Variants in SDCCAG8 observed in about 807,000 individuals in gnomAD.
SDCCAG8 encodes the protein serologically defined colon cancer antigen 8.
A neutral mutation model predicts 101.8 loss-of-function variants in SDCCAG8; 74 were observed. The ratio of observed to expected loss-of-function variants is 0.73; its 90% CI spans 0.60 to 0.88. The LOEUF (loss-of-function observed/expected upper bound fraction) is 0.88. Ranked by LOEUF, SDCCAG8 falls within the 40% of genes least tolerant of loss-of-function variation. The pLI, the probability that SDCCAG8 is intolerant of heterozygous loss-of-function variation, is 0.00. For synonymous variants in SDCCAG8, 281 were observed against 292.9 expected, an observed-to-expected ratio of 0.96 and a Z score of 0.41; for missense variants, 787 against 822.6, an observed-to-expected ratio of 0.96 and a Z score of 0.53.
chr1:243,365,098 G>T (rs1421351539), intron 12 of SDCCAG8, among the ~76,000 whole-genome samples: 1 of 152,118 alleles, frequency 6.6e-6, no homozygotes, highest in Non-Finnish European at 1.5e-5. Context: ...CATTTGAAGG[G>T]AAATGGGTAT....
intron 16 of SDCCAG8, among the ~76,000 whole-genome samples, chr1:243,487,561 T>A (rs1444283107): frequency 6.6e-6 from 1 of 152,162 alleles, no homozygotes; most frequent in Non-Finnish European, 1.5e-5. Flanking sequence ...GCCAGCCTGA[T>A]CCTGGAGGCA....
intron 12 of SDCCAG8, among the ~76,000 whole-genome samples, chr1:243,348,656 T>C (rs888071263): frequency 2.0e-5 from 3 of 151,930 alleles, no homozygotes; most frequent in Non-Finnish European, 4.4e-5. Flanking sequence ...TCAGTCTCCA[T>C]TGTTCCATCA....
At chr1:243,411,728 C>T (rs1010420385) in intron 13 of SDCCAG8, among the ~76,000 whole-genome samples, 8 of 152,112 alleles carry the variant, frequency 5.3e-5, no homozygotes, top group African/African-American at 1.9e-4. Context: ...ACGTGTACTG[C>T]TTTTGAGGTT....
At chr1:243,364,583 A>G (rs1374498790) in intron 12 of SDCCAG8, among the ~76,000 whole-genome samples, 1 of 152,188 alleles carries the variant, frequency 6.6e-6, no homozygotes, top group Non-Finnish European at 1.5e-5. Flanking sequence ...GCTGTATTCC[A>G]TGGTCTGAAC....
intron 13 of SDCCAG8, among the ~76,000 whole-genome samples, chr1:243,386,701 C>T (rs536231071): frequency 4.5e-4 from 68 of 151,632 alleles, no homozygotes; most frequent in Non-Finnish European, 5.6e-4. Flanking sequence ...TACAGTGAGC[C>T]GAGATTGCGC....
At chr1:243,326,120 A>G (rs979670613) in intron 9 of SDCCAG8, among the ~76,000 whole-genome samples, 1 of 152,204 alleles carries the variant, frequency 6.6e-6, no homozygotes, top group Non-Finnish European at 1.5e-5. Flanking sequence ...AGGAAAAAAA[A>G]AATTTTCTTT....
At chr1:243,492,604 G>GTTTTTTTTTTTT in intron 17 of SDCCAG8, among the ~76,000 whole-genome samples, 1 of 58,876 alleles carries the variant, frequency 1.7e-5, no homozygotes, top group Non-Finnish European at 3.0e-5. Flanking sequence ...GCGCCCAGCT[G>GTTTTTTTTTTTT]TTTTTTTTTT....
chr1:243,415,033 T>G (rs114027283), intron 13 of SDCCAG8, among the ~76,000 whole-genome samples: 234 of 152,272 alleles, frequency 1.5e-3, no homozygotes, highest in Non-Finnish European at 2.6e-3. Flanking sequence ...CCTATCACAG[T>G]ACGATGGGTT....
intron 12 of SDCCAG8, among the ~76,000 whole-genome samples, chr1:243,360,821 C>T (rs2076667084): frequency 2.0e-5 from 3 of 151,700 alleles, no homozygotes; most frequent in Admixed American, 1.3e-4. Context: ...GACTCCATCT[C>T]AAAACAAAAC....
chr1:243,480,453 G>C, intron 16 of SDCCAG8, among the ~76,000 whole-genome samples: 1 of 82,754 alleles, frequency 1.2e-5, no homozygotes, highest in Non-Finnish European at 2.4e-5. Context: ...ATGGATGAAT[G>C]GGGGATGGAT....
chr1:243,460,440 C>T (rs1211769485), intron 16 of SDCCAG8, among the ~76,000 whole-genome samples: 1 of 152,188 alleles, frequency 6.6e-6, no homozygotes, highest in Non-Finnish European at 1.5e-5. Context: ...TCACAGTCCA[C>T]CCAACTCACA....
At chr1:243,483,819 G>A (rs2994331) in intron 16 of SDCCAG8, among the ~76,000 whole-genome samples, 5,607 of 152,250 alleles carry the variant, frequency 0.037, 379 homozygotes, top group African/African-American at 0.13. Context: ...CATTGAAGGC[G>A]GAGGTTCCTT....
intron 12 of SDCCAG8, among the ~76,000 whole-genome samples, chr1:243,371,239 C>A (rs1437308640): frequency 1.3e-5 from 2 of 152,066 alleles, no homozygotes; most frequent in Admixed American, 1.3e-4. Flanking sequence ...CAGACTGTGT[C>A]ATTTCCTCTT....
intron 5 of SDCCAG8, among the ~76,000 whole-genome samples, chr1:243,289,288 A>C (rs994160731): frequency 4.6e-5 from 7 of 152,222 alleles, no homozygotes; most frequent in South Asian, 2.1e-4. Context: ...AAGCCAGTCT[A>C]ACCTTTTCAT....
At chr1:243,485,160 G>C (rs574100655) in intron 16 of SDCCAG8, among the ~76,000 whole-genome samples, 1 of 152,166 alleles carries the variant, frequency 6.6e-6, no homozygotes, top group Non-Finnish European at 1.5e-5. Flanking sequence ...ACACTTGGGC[G>C]CTGGCTCGAT....
intron 12 of SDCCAG8, among the ~76,000 whole-genome samples, chr1:243,371,757 A>C (rs1007844253): frequency 7.9e-5 from 12 of 152,170 alleles, no homozygotes; most frequent in African/African-American, 2.2e-4. Context: ...AATGAGTCTT[A>C]GAAATAAATT....
intron 16 of SDCCAG8, among the ~76,000 whole-genome samples, chr1:243,456,278 T>G (rs2083747108): frequency 6.6e-6 from 1 of 152,120 alleles, no homozygotes; most frequent in African/African-American, 2.4e-5. Flanking sequence ...CTGCCCTGGT[T>G]GGTAGGGAAA....
chr1:243,324,005 C>G (rs2073958453), intron 9 of SDCCAG8, among the ~76,000 whole-genome samples: 1 of 152,136 alleles, frequency 6.6e-6, no homozygotes, highest in Admixed American at 6.6e-5. Flanking sequence ...AGCCCTCCTC[C>G]CATGTTGCCT....
chr1:243,378,575 C>T, intron 12 of SDCCAG8, 146 bp from the exon 13 acceptor site: 1 of 811,594 alleles, frequency 1.2e-6, no homozygotes, highest in East Asian at 2.7e-5. Context: ...GTGCTAATTC[C>T]TTTTGTCATA....
Sources: gnomAD v4.1 joint callset for allele counts (sites outside exome capture counted in the v4.1 genomes callset) on GRCh38, gnomAD v4.1.1 for gene constraint, MANE v1.5 for transcripts, NCBI Gene and HGNC (gene_info 2026-07-23, HGNC 2026-07-21) for gene names.